The following TPH1 variants were observed in gnomAD, a reference collection of about 807,000 sequenced individuals.
The protein encoded by TPH1 is tryptophan 5-hydroxylase 1.
TPH1 carries 37 observed loss-of-function variants against 49.5 expected under a neutral mutation model. The observed-to-expected ratio is 0.75, with a 90% CI of 0.58 to 0.98. The LOEUF (loss-of-function observed/expected upper bound fraction) is 0.98, where lower values mean the gene tolerates loss of function less well. Ranked by LOEUF, TPH1 falls within the 50% of genes least tolerant of loss-of-function variation. The probability of loss-of-function intolerance (pLI) is 0.00; values close to 1 mark genes in which losing one functional copy is unlikely to be tolerated. For synonymous variants in TPH1, 160 were observed against 182.1 expected (o/e 0.88, Z 0.98); for missense variants, 487 against 523.6 (o/e 0.93, Z 0.68).
intron 1 of TPH1, chr11:18,041,202 C>G (rs1848096014): frequency 6.1e-6 from 1 of 163,344 alleles, no homozygotes; most frequent in Non-Finnish European, 1.3e-5. Context: ...CATATCTCAC[C>G]TTCTAACAAG....
chr11:18,019,857 C>T lies in TPH1; in HGVS notation c.*1134G>A. 1 of 405,874 alleles carries T rather than the reference C, an allele frequency of 2.5e-6. No homozygotes were observed. The highest frequency in any genetic ancestry group is 4.9e-6 in the Non-Finnish European group (1 of 203,810). The allele number at this position is 405,874 out of a possible 1,614,324, so 25.1% of individuals were successfully genotyped here. ...CTACACAGCTGACTCTGCATAAAAA[C>T]CATTCCTTGGCAATCCTTACATTAC... On this transcript the variant is annotated 3_prime_UTR_variant, in exon 11 of 11. Transcript: ENST00000682019.
At chr11:18,021,454 T>C (rs1854361597) in intron 10 of TPH1, among the ~76,000 whole-genome samples, 1 of 152,202 alleles carries the variant, frequency 6.6e-6, no homozygotes, top group Non-Finnish European at 1.5e-5. Flanking sequence ...GATTTCTTAA[T>C]CATTTATTAC....
chr11:18,027,854 C>T (rs952137866), intron 6 of TPH1, among the ~76,000 whole-genome samples: 1 of 152,188 alleles, frequency 6.6e-6, no homozygotes, highest in Non-Finnish European at 1.5e-5. Context: ...TACATAATTT[C>T]TTCCCTTGTA....
intron 2 of TPH1, among the ~76,000 whole-genome samples, chr11:18,038,845 C>A (rs1590267788): frequency 6.6e-6 from 1 of 151,814 alleles, no homozygotes; most frequent in Non-Finnish European, 1.5e-5. Flanking sequence ...TTTAAAGACC[C>A]AAAGGTAATC....
Position 18,025,615 on chromosome 11 carries a change from GA to G in TPH1, c.889del (p.Ser297LeufsTer31). ...AQFSQEIGLA[S>X]LGASEEAVQK... is the part of the protein sequence containing the mutation. ...AACAGCCTCCTCTGAAGCGCCAAGA[GA>G]AGCCAAGCCAATTTCTTGGGAGAAT... On this transcript the variant is annotated frameshift_variant, in exon 8 of 11. Transcript: ENST00000682019. LOFTEE classifies it high-confidence loss of function. 1 of 1,613,998 alleles carries G rather than the reference GA, an allele frequency of 6.2e-7. No homozygotes were observed. Among genetic ancestry groups the G allele is most frequent in the South Asian group, 1.1e-5 (1 of 91,084 alleles).
At position 18,020,866 on chromosome 11, in the gene TPH1, G is replaced by C; in HGVS notation, c.*125C>G. ...TCAAAGACTAGTGATTCCTTAAGTAGTGGAATTCGATAATATTGTTTGGCC... is the reference window on the plus strand; with the variant it reads ...TCAAAGACTAGTGATTCCTTAAGTACTGGAATTCGATAATATTGTTTGGCC... On this transcript the variant is annotated 3_prime_UTR_variant, in exon 11 of 11. Transcript: ENST00000682019. 1 of 874,122 alleles carries C rather than the reference G, an allele frequency of 1.1e-6. No homozygotes were observed. Among genetic ancestry groups the C allele is most frequent in the Non-Finnish European group, 1.9e-6 (1 of 521,470 alleles). 54.1% of individuals were successfully genotyped at this position (874,122 alleles called of 1,614,324 possible). A position where few individuals can be genotyped will look rare whatever the true frequency, so the allele number is the denominator to read the frequency against.
chr11:18,038,876 T>G (rs1228467277), intron 2 of TPH1, among the ~76,000 whole-genome samples: 1 of 152,120 alleles, frequency 6.6e-6, no homozygotes, highest in Non-Finnish European at 1.5e-5. Flanking sequence ...CTAAAAGTAA[T>G]AATAAAAGTA....
At position 18,022,950 on chromosome 11, in the gene TPH1, G is replaced by A. The variant is rs1332887224; in HGVS notation, c.1027-19C>T. 4 of 1,612,126 alleles carry A rather than the reference G, an allele frequency of 2.5e-6. No individual in the cohort carries two copies. The highest frequency in any genetic ancestry group is 3.4e-6 in the Non-Finnish European group (4 of 1,179,128). Reference sequence around the variant, plus strand: ...GTGCATGCTAGAAGACAAAGAGTCAGTGAATCAAAGAATAATATCTATTTT... The same window carrying A: ...GTGCATGCTAGAAGACAAAGAGTCAATGAATCAAAGAATAATATCTATTTT... On this transcript the variant is annotated intron_variant, in intron 9 of 10. Coordinates refer to ENST00000682019, the MANE Select transcript of TPH1 (RefSeq NM_004179.3).
At chr11:18,035,903 T>G in intron 3 of TPH1, 56 bp downstream of exon 3, 1 of 1,382,212 alleles carries the variant, frequency 7.2e-7, no homozygotes, top group Middle Eastern at 2.5e-4. Context: ...AATATAAGGC[T>G]GGACACACAT....
chr11:18,040,077 AATT>A (rs1042519208), intron 2 of TPH1, among the ~76,000 whole-genome samples: 1 of 150,326 alleles, frequency 6.7e-6, no homozygotes, highest in African/African-American at 2.4e-5. Flanking sequence ...TCAAGTATAT[AATT>A]AATAATATAT....
At chr11:18,022,550 A>G (rs536176535) in intron 10 of TPH1, among the ~76,000 whole-genome samples, 1 of 152,342 alleles carries the variant, frequency 6.6e-6, no homozygotes, top group East Asian at 1.9e-4. Context: ...CTATTAGACT[A>G]CTAAACTCTC....
At chr11:18,044,831 G>A (rs1487965921) in intron 1 of TPH1, among the ~76,000 whole-genome samples, 1 of 151,992 alleles carries the variant, frequency 6.6e-6, no homozygotes, top group Non-Finnish European at 1.5e-5. Context: ...GTTTGAATCA[G>A]TGTCTCATCA....
chr11:18,030,721 A>G (rs1467941639), intron 4 of TPH1, among the ~76,000 whole-genome samples: 1 of 152,176 alleles, frequency 6.6e-6, no homozygotes, highest in East Asian at 1.9e-4. Flanking sequence ...AAGGCTTCCC[A>G]GTGATGACTC....
intron 6 of TPH1, among the ~76,000 whole-genome samples, 158 bp downstream of exon 6, chr11:18,029,007 G>A (rs1013140097): frequency 3.4e-5 from 5 of 145,648 alleles, no homozygotes; most frequent in African/African-American, 1.3e-4. Context: ...AGAGGCTGCA[G>A]TGACAGAGGC....
intron 10 of TPH1, 101 bp downstream of exon 10, chr11:18,022,697 T>C: frequency 1.5e-6 from 2 of 1,312,498 alleles, no homozygotes; most frequent in East Asian, 2.4e-5. Context: ...AGGCTCCTTG[T>C]GGGCTTCAAA....
In TPH1 at chr11:18,036,011, A is replaced by C; in HGVS notation, c.249T>G (p.His83Gln). 1.2e-6 allele frequency: 2 copies of C among 1,612,732 alleles called. No individual in the cohort carries two copies. Among genetic ancestry groups the C allele is most frequent in the Non-Finnish European group, 1.7e-6 (2 of 1,179,910 alleles). Residue 83 changes from histidine (H) to glutamine (Q), a missense_variant, in exon 3 of 11, where the codon CAT becomes CAG. His to Gln is a conservative substitution (Grantham distance 24). Coordinates refer to ENST00000682019, the MANE Select transcript of TPH1 (RefSeq NM_004179.3). ...LNDIFHLLKSHTNVLSVNLPD... is the reference protein window; with the variant it reads ...LNDIFHLLKSQTNVLSVNLPD... ...GTAGATTCACAGAGAGAACATTGGTATGAGACTTCAGCAGATGAAAAATAT... is the reference window on the plus strand; with the variant it reads ...GTAGATTCACAGAGAGAACATTGGTCTGAGACTTCAGCAGATGAAAAATAT...
In TPH1 at chr11:18,022,820, C is replaced by T; in HGVS notation, c.1138G>A (p.Glu380Lys). Reference sequence around the variant, plus strand: ...TACCTCATCTTCTCCTTTGCATCTTCAAAACTTTCAGATACAAAGTAGACA... The same window carrying T: ...TACCTCATCTTCTCCTTTGCATCTTTAAAACTTTCAGATACAAAGTAGACA... ...QDVYFVSESFEDAKEKMREFT... is the reference protein window; with the variant it reads ...QDVYFVSESFKDAKEKMREFT... Residue 380 changes from glutamate to lysine, a missense_variant, in exon 10 of 11, where the codon GAA becomes AAA. Coordinates refer to ENST00000682019, the MANE Select transcript of TPH1 (RefSeq NM_004179.3). 6.2e-7 allele frequency: 1 copy of T among 1,613,260 alleles called. No individual in the cohort carries two copies. The highest frequency in any genetic ancestry group is 8.5e-7 in the Non-Finnish European group (1 of 1,179,464).
chr11:18,025,613 G>A lies in TPH1; in HGVS notation c.892C>T (p.Leu298Phe), dbSNP rs1198363678. 2 of 1,613,884 alleles carry A rather than the reference G, an allele frequency of 1.2e-6. No individual in the cohort carries two copies. Among genetic ancestry groups the A allele is most frequent in the African/African-American group, 2.7e-5 (2 of 74,916 alleles). ...QFSQEIGLAS[L>F]GASEEAVQKL... ...TGAACAGCCTCCTCTGAAGCGCCAA[G>A]AGAAGCCAAGCCAATTTCTTGGGAG... The change falls in exon 8 of 11, where the codon CTT (leucine) becomes TTT (phenylalanine). Residue 298 changes from leucine to phenylalanine, a missense_variant. Leu to Phe is a conservative substitution (Grantham distance 22, BLOSUM62 0). Coordinates refer to ENST00000682019, the MANE Select transcript of TPH1 (RefSeq NM_004179.3).
intron 6 of TPH1, among the ~76,000 whole-genome samples, chr11:18,028,482 CCTTTA>C (rs1847951627): frequency 1.3e-5 from 2 of 152,288 alleles, no homozygotes; most frequent in South Asian, 4.1e-4. Context: ...ATCCAACAGT[CCTTTA>C]CTTTAGAGTC....
Sources: gnomAD v4.1 joint callset for allele counts (sites outside exome capture counted in the v4.1 genomes callset) on GRCh38, gnomAD v4.1.1 for gene constraint, MANE v1.5 for transcripts, NCBI Gene and HGNC (gene_info 2026-07-23, HGNC 2026-07-21) for gene names.